The following GPC5 variants were observed in gnomAD, a reference collection of about 807,000 sequenced individuals.
GPC5 encodes glypican 5.
In GPC5, 47 loss-of-function variants were observed where a neutral mutation model predicts 53.9. The ratio of observed to expected loss-of-function variants is 0.87; its 90% CI spans 0.69 to 1.11. The LOEUF is 1.11. Ranked by LOEUF, GPC5 falls within the 50% of genes most tolerant of loss-of-function variation. GPC5 has a pLI of 0.00. For synonymous variants in GPC5, 286 were observed against 263.3 expected (o/e 1.09, Z -0.84); for missense variants, 748 against 713.1 (o/e 1.05, Z -0.56).
intron 6 of GPC5, among the ~76,000 whole-genome samples, chr13:91,987,698 A>G (rs984058872): frequency 6.0e-5 from 9 of 149,290 alleles, no homozygotes; most frequent in Non-Finnish European, 1.2e-4. Flanking sequence ...AGTAGGAATC[A>G]CTTAGCCACT....
intron 6 of GPC5, among the ~76,000 whole-genome samples, chr13:91,910,477 A>G (rs1008453687): frequency 7.9e-5 from 12 of 152,220 alleles, no homozygotes; most frequent in Non-Finnish European, 1.6e-4. Context: ...TTTTTATTAT[A>G]GTAGATATTA....
intron 5 of GPC5, among the ~76,000 whole-genome samples, chr13:91,859,306 T>G (rs1368069792): frequency 6.6e-6 from 1 of 151,926 alleles, no homozygotes; most frequent in Non-Finnish European, 1.5e-5. Flanking sequence ...CTTCTTCTGC[T>G]TTTTGCTGTA....
intron 7 of GPC5, among the ~76,000 whole-genome samples, chr13:92,623,546 A>G (rs1031705077): frequency 4.6e-4 from 70 of 152,290 alleles, no homozygotes; most frequent in African/African-American, 1.6e-3. Context: ...ATGAGAGAAA[A>G]AAGCTAGTTT....
At chr13:91,683,946 C>T (rs762325576) in intron 2 of GPC5, among the ~76,000 whole-genome samples, 19 of 152,190 alleles carry the variant, frequency 1.2e-4, no homozygotes, top group Admixed American at 3.3e-4. Context: ...CTTTTCTGCT[C>T]ATATTCTGCT....
intron 7 of GPC5, among the ~76,000 whole-genome samples, chr13:92,574,439 A>C (rs187540370): frequency 9.2e-5 from 14 of 152,272 alleles, no homozygotes; most frequent in African/African-American, 3.1e-4. Flanking sequence ...GAAGAGTTTC[A>C]TTCAGTGTCT....
chr13:91,621,514 C>G (rs778561709), intron 2 of GPC5, among the ~76,000 whole-genome samples: 5 of 151,974 alleles, frequency 3.3e-5, no homozygotes, highest in Admixed American at 3.3e-4. Flanking sequence ...GCAAAGCTCT[C>G]TTTCCCTGGA....
At chr13:92,623,571 T>C (rs9589606) in intron 7 of GPC5, among the ~76,000 whole-genome samples, 2,959 of 152,318 alleles carry the variant, frequency 0.019, 80 homozygotes, top group African/African-American at 0.054. Context: ...TTAACAATTC[T>C]TGAATCAAAG....
At chr13:91,628,588 TG>T in intron 2 of GPC5, among the ~76,000 whole-genome samples, 1 of 152,300 alleles carries the variant, frequency 6.6e-6, no homozygotes, top group Non-Finnish European at 1.5e-5. Flanking sequence ...TAGCATGGTA[TG>T]TGAAACAATA....
intron 7 of GPC5, among the ~76,000 whole-genome samples, chr13:92,575,224 T>C (rs956001612): frequency 1.1e-4 from 17 of 152,186 alleles, no homozygotes; most frequent in African/African-American, 3.9e-4. Flanking sequence ...TTGATCTTAC[T>C]TGGAAATAGG....
chr13:92,484,276 A>G (rs1879471221), intron 7 of GPC5, among the ~76,000 whole-genome samples: 2 of 152,106 alleles, frequency 1.3e-5, no homozygotes, highest in Non-Finnish European at 2.9e-5. Flanking sequence ...GTATGATAAC[A>G]ACGACTCTTG....
At position 92,719,301 on chromosome 13, in the gene GPC5, G is replaced by GA. The variant is rs768220513; in HGVS notation, c.1562-146973dup. ...AAAATGAGGAGTTTTGTTCTAATAG[G>GA]AAAAAAAATACTATTTAACCATGTA... On this transcript the variant is annotated intron_variant, in intron 7 of 7. Transcript: ENST00000377067. 1.7e-3 allele frequency among the ~76,000 whole-genome samples: 251 copies of GA among 150,874 alleles called. 1 individual carries two copies. The highest frequency in any genetic ancestry group is 3.1e-3 in the Non-Finnish European group (208 of 67,724).
intron 2 of GPC5, among the ~76,000 whole-genome samples, chr13:91,671,779 G>GAAAA (rs2035248996): frequency 8.0e-5 from 2 of 25,002 alleles, no homozygotes; most frequent in Admixed American, 4.9e-4. Context: ...ACAATCTGAA[G>GAAAA]CAAAAAAAAA....
intron 6 of GPC5, among the ~76,000 whole-genome samples, chr13:91,918,221 A>C (rs1378271026): frequency 6.6e-6 from 1 of 152,146 alleles, no homozygotes; most frequent in Admixed American, 6.5e-5. Flanking sequence ...CTATCACAAG[A>C]ACAGCATAAG....
chr13:92,493,486 G>A (rs1879844844), intron 7 of GPC5, among the ~76,000 whole-genome samples: 1 of 152,104 alleles, frequency 6.6e-6, no homozygotes, highest in Admixed American at 6.6e-5. Flanking sequence ...TAGTGAGAAC[G>A]ATAATATTTC....
At chr13:91,586,108 C>CT (rs1455560123) in intron 2 of GPC5, among the ~76,000 whole-genome samples, 1 of 148,752 alleles carries the variant, frequency 6.7e-6, no homozygotes, top group African/African-American at 2.5e-5. Flanking sequence ...ATGTACTGTC[C>CT]TTTTTTAAAA....
intron 6 of GPC5, among the ~76,000 whole-genome samples, chr13:92,071,585 T>C (rs1273384836): frequency 6.6e-6 from 1 of 152,004 alleles, no homozygotes; most frequent in African/African-American, 2.4e-5. Context: ...AAATATATCA[T>C]TAAAAAGTCA....
Position 92,196,565 on chromosome 13 carries a change from A to G in GPC5, c.1561+51576A>G, listed in dbSNP as rs539932264. Among the ~76,000 whole-genome samples the G allele has an allele frequency of 2.7e-4, 41 of 152,314 alleles. No homozygotes were observed. In the East Asian group the frequency reaches 6.4e-3, roughly 24 times the overall value. On this transcript the variant is annotated intron_variant, in intron 7 of 7. Coordinates refer to ENST00000377067, the MANE Select transcript of GPC5 (RefSeq NM_004466.6). ...TATTATAATCTAACTGGCCCCACTA[A>G]AAATTTTAGTCATGAAGTCTCAGAG...
chr13:91,707,323 A>G (rs1359600807), intron 3 of GPC5, among the ~76,000 whole-genome samples: 1 of 152,196 alleles, frequency 6.6e-6, no homozygotes, highest in Non-Finnish European at 1.5e-5. Context: ...TAGGTTGGCT[A>G]TATTTAAAAA....
chr13:92,440,035 C>T (rs1406345524), intron 7 of GPC5, among the ~76,000 whole-genome samples: 3 of 152,192 alleles, frequency 2.0e-5, no homozygotes, highest in African/African-American at 7.2e-5. Flanking sequence ...TAGCAAGGAA[C>T]TATTGTTAAT....
Sources: gnomAD v4.1 joint callset for allele counts (sites outside exome capture counted in the v4.1 genomes callset) on GRCh38, gnomAD v4.1.1 for gene constraint, MANE v1.5 for transcripts, NCBI Gene and HGNC (gene_info 2026-07-23, HGNC 2026-07-21) for gene names.